The following GAK variants were observed in gnomAD, a reference collection of about 807,000 sequenced individuals.
GAK encodes cyclin-G-associated kinase.
In GAK, 79 loss-of-function variants were observed where a neutral mutation model predicts 143.9. The ratio of observed to expected loss-of-function variants is 0.55; its 90% CI spans 0.46 to 0.66. GAK has a LOEUF of 0.66. Ranked by LOEUF, GAK falls within the 30% of genes least tolerant of loss-of-function variation. The pLI is 0.00. For missense variants in GAK, 1,693 were observed against 1,779.7 expected, an observed-to-expected ratio of 0.95 and a Z score of 0.88; for synonymous variants, 881 against 765.5, an observed-to-expected ratio of 1.15 and a Z score of -2.49.
chr4:859,270 A>C, intron 24 of GAK: 1 of 1,246,668 alleles, frequency 8.0e-7, no homozygotes. Context: ...AGCCTCGGGG[A>C]CTGAGCAGAG....
At chr4:911,047 CT>C (rs1411164776) in intron 4 of GAK, among the ~76,000 whole-genome samples, 1 of 152,058 alleles carries the variant, frequency 6.6e-6, no homozygotes, top group Non-Finnish European at 1.5e-5. Flanking sequence ...CACTCTGCCC[CT>C]AGAACTCTCC....
intron 17 of GAK, 69 bp from the exon 18 acceptor site, chr4:876,678 T>C: frequency 7.3e-7 from 1 of 1,379,206 alleles, no homozygotes; most frequent in Non-Finnish European, 1.0e-6. Context: ...CAGGCCAATT[T>C]TTCCCAATGG....
intron 4 of GAK, among the ~76,000 whole-genome samples, chr4:905,451 T>C (rs933886469): frequency 6.7e-6 from 1 of 148,356 alleles, no homozygotes; most frequent in Non-Finnish European, 1.5e-5. Context: ...CGCGCCACGC[T>C]AGGGGCTCCG....
intron 15 of GAK, among the ~76,000 whole-genome samples, 178 bp from the exon 16 acceptor site, chr4:877,987 G>A (rs1182547778): frequency 6.6e-6 from 1 of 151,992 alleles, no homozygotes; most frequent in African/African-American, 2.4e-5. Context: ...ATGTGTGTGT[G>A]TATACATATA....
At chr4:854,789 T>C (rs191522059) in intron 24 of GAK, among the ~76,000 whole-genome samples, 2 of 152,226 alleles carry the variant, frequency 1.3e-5, no homozygotes, top group Non-Finnish European at 2.9e-5. Context: ...CTCACGCCTG[T>C]AATCCCAGCA....
rs1713155813 is a variant in GAK, at chr4:873,507, A to C, written c.2055-2603T>G. Among the ~76,000 whole-genome samples the C allele has an allele frequency of 2.0e-5, 3 of 152,248 alleles. No homozygotes were observed. The South Asian group carries it at 6.2e-4, about 32-fold the overall frequency. Reference sequence around the variant, plus strand: ...TTGGTTAAACCTTGTAAAAAAAAAAAAACTATATCCTGTTCTTGTCTACCT... The same window carrying C: ...TTGGTTAAACCTTGTAAAAAAAAAACAACTATATCCTGTTCTTGTCTACCT... On this transcript the variant is annotated intron_variant, in intron 18 of 27. Coordinates refer to ENST00000314167, the MANE Select transcript of GAK (RefSeq NM_005255.4).
At position 862,834 on chromosome 4, in the gene GAK, C is replaced by T. The variant is rs552713520; in HGVS notation, c.3166+2288G>A. Among the ~76,000 whole-genome samples, 183 of 152,274 alleles carry T rather than the reference C, an allele frequency of 1.2e-3. 1 individual carries two copies. Among genetic ancestry groups the T allele is most frequent in the South Asian group, 2.3e-3 (11 of 4,826 alleles). ...AAAATATGACTGTTCGCTGACAATA[C>T]GGACAATGCAGCTGGTCACCCAAAA... On this transcript the variant is annotated intron_variant, in intron 23 of 27. Coordinates refer to ENST00000314167, the MANE Select transcript of GAK (RefSeq NM_005255.4).
intron 18 of GAK, among the ~76,000 whole-genome samples, chr4:875,612 C>T (rs79988893): frequency 5.9e-5 from 9 of 152,208 alleles, no homozygotes; most frequent in African/African-American, 2.2e-4. Flanking sequence ...CCCGTGGGTG[C>T]CCCCTCTGAC....
intron 7 of GAK, among the ~76,000 whole-genome samples, chr4:896,098 AC>A (rs1396469984): frequency 3.9e-5 from 6 of 152,182 alleles, no homozygotes; most frequent in Admixed American, 2.6e-4. Flanking sequence ...CACCCCTTCT[AC>A]CAAAAATACA....
intron 4 of GAK, 135 bp from the exon 5 acceptor site, chr4:904,914 G>T: frequency 1.3e-6 from 1 of 787,412 alleles, no homozygotes; most frequent in East Asian, 2.8e-5. Context: ...GTAACAAAAC[G>T]ACCAGAGGTG....
intron 5 of GAK, among the ~76,000 whole-genome samples, chr4:903,364 G>C (rs1488108207): frequency 6.6e-6 from 1 of 152,226 alleles, no homozygotes; most frequent in East Asian, 1.9e-4. Context: ...GCAGTGGGGG[G>C]ACAGTCAGGA....
At chr4:892,158 C>A (rs1717798634) in intron 9 of GAK, among the ~76,000 whole-genome samples, 1 of 152,320 alleles carries the variant, frequency 6.6e-6, no homozygotes, top group South Asian at 2.1e-4. Context: ...CGGGCAGCAG[C>A]TCTGACCTTC....
intron 14 of GAK, 32 bp from the exon 15 acceptor site, chr4:882,072 T>G: frequency 6.4e-7 from 1 of 1,570,598 alleles, no homozygotes; most frequent in South Asian, 1.2e-5. Context: ...CGCGTGCGCC[T>G]CGCACTCATG....
chr4:884,456 T>C (rs373839511), intron 11 of GAK: 1 of 245,494 alleles, frequency 4.1e-6, no homozygotes, highest in Non-Finnish European at 8.0e-6. Context: ...AGAGCAAGGG[T>C]GGCTTGGACG....
At chr4:914,458 C>T (rs1464732692) in intron 1 of GAK, among the ~76,000 whole-genome samples, 3 of 108,580 alleles carry the variant, frequency 2.8e-5, no homozygotes, top group Non-Finnish European at 3.8e-5. Context: ...CACACACAGC[C>T]CCAGTGTGCA....
chr4:862,015 C>T (rs982125290), intron 23 of GAK, among the ~76,000 whole-genome samples: 5 of 152,228 alleles, frequency 3.3e-5, no homozygotes, highest in African/African-American at 7.2e-5. Context: ...CAAGCGCTGA[C>T]GGGGAAGCTG....
chr4:891,584 C>G (rs1392927872), intron 9 of GAK, among the ~76,000 whole-genome samples: 1 of 152,140 alleles, frequency 6.6e-6, no homozygotes, highest in Non-Finnish European at 1.5e-5. Context: ...TAGAAGCACT[C>G]AGATGAGAAG....
At position 849,314 on chromosome 4, in the gene GAK, G is replaced by A. The variant is rs1014869644; in HGVS notation, c.*359C>T. The A allele has an allele frequency of 6.8e-5, 21 of 308,852 alleles. No homozygotes were observed. The highest frequency in any genetic ancestry group is 8.7e-5 in the Non-Finnish European group (14 of 160,448). The allele number at this position is 308,852 out of a possible 1,614,324, so 19.1% of individuals were successfully genotyped here. On this transcript the variant is annotated 3_prime_UTR_variant, in exon 28 of 28. Coordinates refer to ENST00000314167, the MANE Select transcript of GAK (RefSeq NM_005255.4). The stretch of plus-strand genomic sequence containing the variant: ...AGTTTAATTCTGTACAGACAACCAC[G>A]GGACTGATTACAAAGTGCGGTGCAA...
chr4:925,071 A>T (rs377203045), intron 1 of GAK, among the ~76,000 whole-genome samples: 1 of 152,364 alleles, frequency 6.6e-6, no homozygotes, highest in South Asian at 2.1e-4. Context: ...CAAAAAAATA[A>T]GAATAAAAAA....
Sources: gnomAD v4.1 joint callset for allele counts (sites outside exome capture counted in the v4.1 genomes callset) on GRCh38, gnomAD v4.1.1 for gene constraint, MANE v1.5 for transcripts, NCBI Gene and HGNC (gene_info 2026-07-23, HGNC 2026-07-21) for gene names.